The following INPP4A variants were observed in gnomAD, a reference collection of about 807,000 sequenced individuals.
The protein encoded by INPP4A is inositol polyphosphate-4-phosphatase type I A, also known as inositol polyphosphate-4-phosphatase, type I, 107kD.
Under a neutral mutation model 119.8 loss-of-function variants are expected in INPP4A, and 33 were observed. The ratio of observed to expected loss-of-function variants is 0.28; its 90% CI spans 0.21 to 0.37. The LOEUF is 0.37. Ranked by LOEUF, INPP4A falls within the 10% of genes least tolerant of loss-of-function variation. The pLI, the probability that INPP4A is intolerant of heterozygous loss-of-function variation, is 1.00. For synonymous variants in INPP4A, 496 were observed against 500.7 expected, an observed-to-expected ratio of 0.99 and a Z score of 0.12; for missense variants, 956 against 1,289.9, an observed-to-expected ratio of 0.74 and a Z score of 3.97.
In INPP4A at chr2:98,520,018, G is replaced by T; in HGVS notation, c.-31G>T. On this transcript the variant is annotated 5_prime_UTR_variant, in exon 3 of 25. Transcript: ENST00000409851. Reference sequence around the variant, plus strand: ...GGTAATCAGGCGTGGTCTGACCGAGGATCAAGAAGCACATCATCACCAATG... The same window carrying T: ...GGTAATCAGGCGTGGTCTGACCGAGTATCAAGAAGCACATCATCACCAATG... 1 of 1,538,534 alleles carries T rather than the reference G, an allele frequency of 6.5e-7. No homozygotes were observed. The highest frequency in any genetic ancestry group is 2.4e-5 in the East Asian group (1 of 41,482).
At chr2:98,460,136 T>TGTGTGTG (rs1558872495) in intron 1 of INPP4A, among the ~76,000 whole-genome samples, 1 of 152,012 alleles carries the variant, frequency 6.6e-6, no homozygotes, top group African/African-American at 2.4e-5. Flanking sequence ...TGTGTGTATG[T>TGTGTGTG]TTAAAATTAA....
chr2:98,522,987 CT>C (rs1687501489), intron 4 of INPP4A, among the ~76,000 whole-genome samples: 1 of 152,228 alleles, frequency 6.6e-6, no homozygotes, highest in African/African-American at 2.4e-5. Flanking sequence ...CCCCTGCATT[CT>C]TTCTCCGGAA....
chr2:98,508,063 C>T (rs1444105124), intron 1 of INPP4A, among the ~76,000 whole-genome samples: 3 of 152,106 alleles, frequency 2.0e-5, no homozygotes, highest in African/African-American at 7.2e-5. Flanking sequence ...TGTGGGCCGC[C>T]CACTTTGCAT....
At chr2:98,447,883 TAAAAATACA>T (rs1694477612) in intron 1 of INPP4A, among the ~76,000 whole-genome samples, 1 of 151,764 alleles carries the variant, frequency 6.6e-6, no homozygotes. Flanking sequence ...CTATCTCTAC[TAAAAATACA>T]AAAAATTAGC....
At chr2:98,527,765 G>C (rs1410071359) in intron 4 of INPP4A, among the ~76,000 whole-genome samples, 3 of 152,208 alleles carry the variant, frequency 2.0e-5, no homozygotes, top group Non-Finnish European at 4.4e-5. Flanking sequence ...GGAAATATCT[G>C]TCCAACCATT....
rs1694086568 is a variant in INPP4A at position 98,554,347 on chromosome 2, A to G, written c.1424A>G (p.Asp475Gly). ...SIHGLNAARP[D>G]YIASKASPTS... ...CATGGGCTGAACGCTGCACGGCCTG[A>G]CTACATTGCCTCCAAGGCCTCTCCC... is the stretch of plus-strand genomic sequence containing the variant. Residue 475 changes from aspartate to glycine, a missense_variant, in exon 15 of 25, where the codon GAC (aspartate) becomes GGC (glycine). Asp to Gly is a moderately conservative substitution (Grantham distance 94, BLOSUM62 -1). This residue lies in a region of INPP4A where 652 missense variants were observed against 797.9 expected (regional missense o/e 0.82). Transcript: ENST00000409851. The surrounding 1 kb of genome is among the most constrained non-coding windows in gnomAD (Gnocchi z 4.7). The G allele has an allele frequency of 6.2e-7, 1 of 1,613,450 alleles. No homozygotes were observed. The highest frequency in any genetic ancestry group is 8.5e-7 in the Non-Finnish European group (1 of 1,179,738).
rs1038853614 is a variant in INPP4A at position 98,590,716 on chromosome 2, G to A, written c.*3108G>A. 11 of 219,528 alleles carry A rather than the reference G, an allele frequency of 5.0e-5. No homozygotes were observed. The highest frequency in any genetic ancestry group is 1.8e-4 in the African/African-American group (8 of 44,656). 13.6% of individuals were successfully genotyped at this position (219,528 alleles called of 1,614,324 possible). A position where few individuals can be genotyped will look rare whatever the true frequency, so the allele number is the denominator to read the frequency against. On this transcript the variant is annotated 3_prime_UTR_variant, in exon 25 of 25. Transcript: ENST00000409851. ...ACTGTGCCGTCTTCTAGGCACACAC[G>A]ACCCGTTATCTCCCTTGGAAAAATT... is the stretch of plus-strand genomic sequence containing the variant.
At chr2:98,576,612 G>A (rs1057318047) in intron 23 of INPP4A, among the ~76,000 whole-genome samples, 21 of 152,094 alleles carry the variant, frequency 1.4e-4, no homozygotes, top group African/African-American at 4.6e-4. Flanking sequence ...CATATTTGCC[G>A]CCCTCTTTCC....
intron 4 of INPP4A, among the ~76,000 whole-genome samples, chr2:98,529,462 C>T (rs1005886006): frequency 2.0e-5 from 3 of 152,022 alleles, no homozygotes; most frequent in Admixed American, 1.3e-4. Flanking sequence ...TTGGGCTGGG[C>T]GCAATAGCTC....
At chr2:98,448,705 CTCTCTT>C (rs1694697340) in intron 1 of INPP4A, among the ~76,000 whole-genome samples, 2 of 136,724 alleles carry the variant, frequency 1.5e-5, no homozygotes, top group Admixed American at 7.5e-5. Context: ...CTCTCTCTCT[CTCTCTT>C]TTTTTTTTTT....
rs1464701060 is a variant in INPP4A at position 98,589,164 on chromosome 2, A to G, written c.*1556A>G. 3 of 178,646 alleles carry G rather than the reference A, an allele frequency of 1.7e-5. No homozygotes were observed. Among genetic ancestry groups the G allele is most frequent in the African/African-American group, 7.1e-5 (3 of 42,316 alleles). The allele number at this position is 178,646 out of a possible 1,614,324, so 11.1% of individuals were successfully genotyped here. A position where few individuals can be genotyped will look rare whatever the true frequency, so the allele number is the denominator to read the frequency against. On this transcript the variant is annotated 3_prime_UTR_variant, in exon 25 of 25. Transcript: ENST00000409851. ...GTGAAGGACACTTTAATGAAGGACG[A>G]AGCTCTCTGCTGCTCCCTCAAAGCT...
chr2:98,552,949 C>T lies in INPP4A; in HGVS notation c.1327C>T (p.Leu443Phe). The part of the protein sequence containing the change: ...DRSATGLERT[L>F]AILADKTRQL... ...GTCTGCCACTGGCCTTGAGAGGACA[C>T]TCGCCATCTTGGCAGACAAGGTAGG... The change falls in exon 14 of 25, where the codon CTC becomes TTC. Residue 443 changes from leucine (L) to phenylalanine (F), a missense_variant. By Grantham distance (22) the Leu-to-Phe change is conservative (BLOSUM62 0). Around this residue, in one of 2 missense-constraint regions of INPP4A, gnomAD observed 652 missense variants for 797.9 expected, o/e 0.82. Coordinates refer to ENST00000409851, the MANE Select transcript of INPP4A (RefSeq NM_001134225.2). 8 of 1,611,814 alleles carry T rather than the reference C, an allele frequency of 5.0e-6. No individual in the cohort carries two copies. Among genetic ancestry groups the T allele is most frequent in the Non-Finnish European group, 6.8e-6 (8 of 1,178,600 alleles).
At chr2:98,576,897 G>C (rs993023869) in intron 23 of INPP4A, 92 bp from the exon 24 acceptor site, 2 of 1,467,846 alleles carry the variant, frequency 1.4e-6, no homozygotes, top group Admixed American at 2.0e-5. Flanking sequence ...TCCTGCCCTT[G>C]CTGGGCTGGT....
chr2:98,518,395 G>A (rs987520830), intron 1 of INPP4A, among the ~76,000 whole-genome samples: 1 of 152,218 alleles, frequency 6.6e-6, no homozygotes, highest in African/African-American at 2.4e-5. Context: ...CTGATTCCCC[G>A]ACCCTGGTGC....
chr2:98,540,052 C>T (rs958416834), intron 10 of INPP4A, among the ~76,000 whole-genome samples: 1 of 152,162 alleles, frequency 6.6e-6, no homozygotes, highest in Non-Finnish European at 1.5e-5. Context: ...CTGCCTCAGC[C>T]TCTGAAGTAG....
chr2:98,521,414 C>T (rs909123888), intron 4 of INPP4A: 3 of 152,274 alleles, frequency 2.0e-5, no homozygotes, highest in African/African-American at 7.2e-5. Context: ...GGTGGTGTGA[C>T]ATAAAAGAGG....
intron 13 of INPP4A, chr2:98,549,111 C>T (rs905928287): frequency 4.5e-6 from 3 of 669,304 alleles, no homozygotes; most frequent in Non-Finnish European, 7.6e-6. Context: ...ATAAACAGTC[C>T]TCCCTTCCAA....
At chr2:98,539,282 G>A (rs114153020) in intron 9 of INPP4A, among the ~76,000 whole-genome samples, 50 of 152,270 alleles carry the variant, frequency 3.3e-4, no homozygotes, top group African/African-American at 1.2e-3. Context: ...CAGCCTCCCT[G>A]CCCCCAGCTG....
chr2:98,528,795 C>T (rs750728993), intron 4 of INPP4A, among the ~76,000 whole-genome samples: 8 of 152,034 alleles, frequency 5.3e-5, no homozygotes, highest in African/African-American at 1.2e-4. Flanking sequence ...ATTTTCTATT[C>T]GGCCAGGCGC....
Sources: gnomAD v4.1 joint callset for allele counts (sites outside exome capture counted in the v4.1 genomes callset) on GRCh38, gnomAD v4.1.1 for gene constraint, gnomAD v4.1.1 regional missense constraint, Gnocchi (gnomAD v3.1) non-coding constraint, MANE v1.5 for transcripts, NCBI Gene and HGNC (gene_info 2026-07-23, HGNC 2026-07-21) for gene names.